The following SMG1 variants were observed in gnomAD, a reference collection of about 807,000 sequenced individuals.
SMG1 encodes SMG1 nonsense mediated mRNA decay associated PI3K related kinase, also known as serine/threonine-protein kinase SMG1.
A neutral mutation model predicts 419.9 loss-of-function variants in SMG1; 22 were observed. The ratio of observed to expected loss-of-function variants is 0.05; its 90% CI spans 0.04 to 0.07. SMG1 has a LOEUF of 0.07. Among genes scored for constraint, SMG1 ranks in the 10% least tolerant of loss-of-function variants. SMG1 has a pLI of 1.00. For missense variants in SMG1, 3,185 were observed against 4,342.0 expected (o/e 0.73, Z 7.49); for synonymous variants, 1,538 against 1,553.5 (o/e 0.99, Z 0.23).
In SMG1 at chr16:18,853,587, A is replaced by G; in HGVS notation, c.4764T>C (p.Ser1588=). 1 of 1,587,882 alleles carries G rather than the reference A, an allele frequency of 6.3e-7. No homozygotes were observed. The highest frequency in any genetic ancestry group is 8.6e-7 in the Non-Finnish European group (1 of 1,165,940). ...AAGCTAATAAAGCAACTCTACCTGT[A>G]GATTCACTCTCGATCCGAGGATACT... The part of the protein sequence containing the change: ...EEEYPRIESE[S]TVHIGVGEPD... Residue 1588 remains serine, a synonymous_variant, in exon 31 of 63, where the codon TCT becomes TCC. Transcript: ENST00000446231.
At chr16:18,816,160 T>G in intron 58 of SMG1, 142 bp downstream of exon 58, 1 of 688,272 alleles carries the variant, frequency 1.5e-6, no homozygotes, top group Non-Finnish European at 2.4e-6. Context: ...AAAACACAAG[T>G]TAACTCAGTT....
At chr16:18,873,641 T>C (rs72777413) in intron 13 of SMG1, among the ~76,000 whole-genome samples, 7,073 of 152,338 alleles carry the variant, frequency 0.046, 244 homozygotes, top group Non-Finnish European at 0.07. Context: ...CTGGGCTGTA[T>C]TTGGCCCATG....
chr16:18,842,537 A>C (rs2033982763), intron 39 of SMG1, 83 bp from the exon 40 acceptor site: 1 of 1,418,038 alleles, frequency 7.1e-7, no homozygotes, highest in African/African-American at 1.4e-5. Context: ...CATAAAAGTA[A>C]ATTTTAGGTC....
intron 62 of SMG1, among the ~76,000 whole-genome samples, chr16:18,810,872 G>C (rs1293855383): frequency 6.6e-6 from 1 of 152,138 alleles, no homozygotes; most frequent in East Asian, 1.9e-4. Context: ...CCCTCAAATT[G>C]TTCAGAAAAA....
intron 25 of SMG1, among the ~76,000 whole-genome samples, chr16:18,861,879 T>A (rs1482894645): frequency 6.6e-6 from 1 of 152,164 alleles, no homozygotes; most frequent in East Asian, 1.9e-4. Flanking sequence ...CTATAGCAAC[T>A]TTGACTGCTT....
chr16:18,870,559 T>C, intron 18 of SMG1, 51 bp downstream of exon 18: 1 of 1,095,474 alleles, frequency 9.1e-7, no homozygotes, highest in South Asian at 1.4e-5. Flanking sequence ...AGACAACCAG[T>C]AGAGGCTGTA....
intron 22 of SMG1, 24 bp downstream of exon 22, chr16:18,868,156 AGACTTAAAAT>A (rs1485848969): frequency 6.4e-7 from 1 of 1,553,606 alleles, no homozygotes; most frequent in African/African-American, 1.4e-5. Flanking sequence ...TCTTATTAAC[AGACTTAAAAT>A]GAATTTCAAA....
chr16:18,891,834 CCTCT>C (rs1288927956), intron 4 of SMG1, among the ~76,000 whole-genome samples: 6 of 152,174 alleles, frequency 3.9e-5, no homozygotes, highest in Non-Finnish European at 4.4e-5. Flanking sequence ...ACAAGGACTC[CCTCT>C]GTCGCCCAGG....
chr16:18,830,401 G>A lies in SMG1; in HGVS notation c.8793-32C>T, dbSNP rs199786120. The A allele has an allele frequency of 1.8e-4, 292 of 1,610,770 alleles. 1 individual carries two copies. Among genetic ancestry groups the A allele is most frequent in the South Asian group, 2.3e-4 (21 of 90,876 alleles). On this transcript the variant is annotated intron_variant, in intron 51 of 62. Coordinates refer to ENST00000446231, the MANE Select transcript of SMG1 (RefSeq NM_015092.5). Reference sequence around the variant, plus strand: ...AAAAACAAAAGGAGTTAAAACCTTCGCTGAAAAGTAATGCCTTTGGTGGGA... The same window carrying A: ...AAAAACAAAAGGAGTTAAAACCTTCACTGAAAAGTAATGCCTTTGGTGGGA...
rs553883890 is a variant in SMG1, at chr16:18,835,514, G to A, written c.8058-350C>T. ...AAATTGTTCAGGCGTGGTGACACAC[G>A]CCCGTGGTCCCAGCTACTTGGGAGG... is the stretch of plus-strand genomic sequence containing the variant. On this transcript the variant is annotated intron_variant, in intron 48 of 62. Coordinates refer to ENST00000446231, the MANE Select transcript of SMG1 (RefSeq NM_015092.5). 1.1e-4 allele frequency among the ~76,000 whole-genome samples: 17 copies of A among 152,226 alleles called. 1 individual carries two copies. In the East Asian group the frequency reaches 2.7e-3, roughly 24 times the overall value.
chr16:18,849,051 CAG>C (rs2034432316), intron 36 of SMG1, among the ~76,000 whole-genome samples, 164 bp downstream of exon 36: 1 of 110,620 alleles, frequency 9.0e-6, no homozygotes, highest in Non-Finnish European at 1.7e-5. Flanking sequence ...GCCTGGGTGA[CAG>C]AGTGAGACTC....
In SMG1 at chr16:18,830,084, C is replaced by T; in HGVS notation, c.8975G>A (p.Arg2992Gln). Residue 2992 changes from arginine (R) to glutamine (Q), a missense_variant, in exon 53 of 63, where the codon CGA becomes CAA. This residue lies in a region of SMG1 where 737 missense variants were observed against 846.6 expected (regional missense o/e 0.87). Coordinates refer to ENST00000446231, the MANE Select transcript of SMG1 (RefSeq NM_015092.5). ...GGCTTCCCTTATGATGTCAATCTTTCGCCAAGCTATGGGAATTTCCATCTT... is the reference window on the plus strand; with the variant it reads ...GGCTTCCCTTATGATGTCAATCTTTTGCCAAGCTATGGGAATTTCCATCTT... The part of the protein sequence containing the change: ...LNKMEIPIAW[R>Q]KIDIIREARS... 1.2e-6 allele frequency: 2 copies of T among 1,603,502 alleles called. No homozygotes were observed. Among genetic ancestry groups the T allele is most frequent in the South Asian group, 1.1e-5 (1 of 89,182 alleles).
chr16:18,917,938 C>CT (rs1351948311), intron 1 of SMG1, among the ~76,000 whole-genome samples: 1 of 151,756 alleles, frequency 6.6e-6, no homozygotes, highest in Non-Finnish European at 1.5e-5. Flanking sequence ...TCTCCCGCAG[C>CT]TAATATGATT....
rs747085951 is a variant in SMG1, at chr16:18,852,079, C to T, written c.5040G>A (p.Pro1680=). ...YGILGQAVCR[P]AGIQDEDITL... is the part of the protein sequence containing the mutation. ...ATGTTTTCCTTGCCTGAATCCCCGC[C>T]GGCCGACACACAGCCTGTCCAAGAA... The change falls in exon 33 of 63, where the codon CCG becomes CCA. Residue 1680 remains proline (P), a synonymous_variant. Transcript: ENST00000446231. 6.2e-6 allele frequency: 10 copies of T among 1,608,314 alleles called. No homozygotes were observed. In the East Asian group the frequency reaches 1.6e-4, roughly 25 times the overall value.
At chr16:18,882,365 A>G in intron 9 of SMG1, 27 bp from the exon 10 acceptor site, 1 of 1,427,684 alleles carries the variant, frequency 7.0e-7, no homozygotes, top group Non-Finnish European at 9.6e-7. Context: ...AGCATTCTTA[A>G]TAAGTAGTAC....
rs1307904253 is a variant in SMG1 at position 18,885,115 on chromosome 16, T to C, written c.996A>G (p.Lys332=). 9.2e-7 allele frequency: 1 copy of C among 1,085,982 alleles called. No homozygotes were observed. The highest frequency in any genetic ancestry group is 1.4e-6 in the Non-Finnish European group (1 of 736,588). The allele number at this position is 1,085,982 out of a possible 1,614,324, so 67.3% of individuals were successfully genotyped here. ...LVGWHIDHTQ[K]PSLTQQVSGW... is the part of the protein sequence containing the mutation. ...CAGATACCTGCTGCGTGAGCGAAGG[T>C]TTCTGAGTATGATCTATATGCCATC... The change falls in exon 8 of 63, where the codon AAA becomes AAG. Residue 332 remains lysine, a synonymous_variant. Transcript: ENST00000446231.
At position 18,840,838 on chromosome 16, in the gene SMG1, T is replaced by C. The variant is rs545283350; in HGVS notation, c.6696+727A>G. On this transcript the variant is annotated intron_variant, in intron 41 of 62. Coordinates refer to ENST00000446231, the MANE Select transcript of SMG1 (RefSeq NM_015092.5). ...TTACTGAGTGATGAACAACCACACA[T>C]TCCCCCTCTCCAAATTTGTCTCAAG... Among the ~76,000 whole-genome samples, 34 of 152,284 alleles carry C rather than the reference T, an allele frequency of 2.2e-4. 1 individual carries two copies. Among genetic ancestry groups the C allele is most frequent in the Admixed American group, 2.0e-3 (30 of 15,294 alleles).
intron 56 of SMG1, among the ~76,000 whole-genome samples, chr16:18,817,956 T>C (rs924334004): frequency 1.3e-5 from 2 of 151,488 alleles, no homozygotes; most frequent in South Asian, 2.1e-4. Flanking sequence ...GGCTGGAGTA[T>C]AGTGGCTTAA....
rs1324154805 is a variant in SMG1 at position 18,864,043 on chromosome 16, T to C, written c.3452A>G (p.Asn1151Ser). 8 of 1,549,926 alleles carry C rather than the reference T, an allele frequency of 5.2e-6. No homozygotes were observed. In the African/African-American group the frequency reaches 6.9e-5, roughly 13 times the overall value. Reference protein sequence around the residue: ...SFDKSVLTLANAGRNSASPKH... With the variant: ...SFDKSVLTLASAGRNSASPKH... ...CGGGCTGGCACTGTTACGCCCAGCA[T>C]TGGCTAAGGTGAGCACCGATTTGTC... Residue 1151 changes from asparagine (N) to serine (S), a missense_variant, in exon 24 of 63, where the codon AAT becomes AGT. Physicochemically the swap from Asn to Ser is conservative, Grantham distance 46 (BLOSUM62 1). Transcript: ENST00000446231.
Sources: allele counts gnomAD v4.1 joint callset (sites outside exome capture counted in the v4.1 genomes callset), GRCh38; gene constraint gnomAD v4.1.1; regional missense constraint gnomAD v4.1.1; transcripts MANE v1.5; gene names NCBI Gene and HGNC (gene_info 2026-07-23, HGNC 2026-07-21).